The following GPC6 variants were observed in gnomAD, a reference collection of about 807,000 sequenced individuals.
GPC6 encodes the protein glypican 6, also known as glypican-6.
Under a neutral mutation model 55.2 loss-of-function variants are expected in GPC6, and 14 were observed. That is an observed-to-expected ratio of 0.25 (90% CI 0.17 to 0.40). The LOEUF (loss-of-function observed/expected upper bound fraction) is 0.40, where lower values mean the gene tolerates loss of function less well. Among genes scored for constraint, GPC6 ranks in the 10% least tolerant of loss-of-function variants. The probability of loss-of-function intolerance (pLI) is 1.00; values close to 1 mark genes in which losing one functional copy is unlikely to be tolerated. For missense variants in GPC6, 641 were observed against 708.5 expected (o/e 0.90, Z 1.08); for synonymous variants, 278 against 259.6 (o/e 1.07, Z -0.68).
intron 4 of GPC6, among the ~76,000 whole-genome samples, chr13:94,163,018 A>C (rs1888222601): frequency 6.6e-6 from 1 of 152,122 alleles, no homozygotes; most frequent in Non-Finnish European, 1.5e-5. Context: ...TTATTTCTGG[A>C]GTGAGAATTT....
intron 2 of GPC6, among the ~76,000 whole-genome samples, chr13:93,722,873 C>T (rs1883499151): frequency 6.6e-6 from 1 of 151,772 alleles, no homozygotes; most frequent in Non-Finnish European, 1.5e-5. Flanking sequence ...GTCCCTCTTC[C>T]TGGGTGTCTC....
intron 1 of GPC6, among the ~76,000 whole-genome samples, chr13:93,513,206 C>CT (rs1412380413): frequency 6.6e-6 from 1 of 152,096 alleles, no homozygotes; most frequent in African/African-American, 2.4e-5. Flanking sequence ...TAGTTTCCAC[C>CT]TTTTTTATTA....
intron 2 of GPC6, among the ~76,000 whole-genome samples, chr13:93,592,404 T>C (rs1282402134): frequency 6.8e-6 from 1 of 147,190 alleles, no homozygotes. Flanking sequence ...AATATATAAA[T>C]ATAAATATAT....
At chr13:94,073,638 G>C (rs912169899) in intron 4 of GPC6, among the ~76,000 whole-genome samples, 1 of 152,192 alleles carries the variant, frequency 6.6e-6, no homozygotes, top group Non-Finnish European at 1.5e-5. Context: ...CGGAGATTCT[G>C]CTGATGAGAC....
At chr13:93,574,786 G>A (rs1427562325) in intron 2 of GPC6, among the ~76,000 whole-genome samples, 1 of 151,964 alleles carries the variant, frequency 6.6e-6, no homozygotes, top group African/African-American at 2.4e-5. Flanking sequence ...CTAGAGATTT[G>A]CTTTTTCTGA....
At chr13:93,814,568 T>G (rs1009565082) in intron 2 of GPC6, among the ~76,000 whole-genome samples, 5 of 152,194 alleles carry the variant, frequency 3.3e-5, no homozygotes, top group African/African-American at 1.2e-4. Context: ...ACTTTGGAAC[T>G]GTAGGCTTTG....
intron 2 of GPC6, among the ~76,000 whole-genome samples, chr13:93,758,801 T>C (rs1001708688): frequency 2.6e-5 from 4 of 152,270 alleles, no homozygotes; most frequent in African/African-American, 9.6e-5. Flanking sequence ...TCACTTCCTT[T>C]TGACCTACTG....
chr13:93,227,115 G>C lies in GPC6; in HGVS notation c.-342G>C, dbSNP rs1459755908. ...CAGCGCTCCAGGATTCTGCGGCTCG[G>C]AACTCGGATTGCAGCTCTGAACCCC... On this transcript the variant is annotated 5_prime_UTR_variant, in exon 1 of 9. Transcript: ENST00000377047. This position sits in a 1 kb window ranked among gnomAD's most constrained non-coding sequence, Gnocchi z 4.3. 2 of 185,112 alleles carry C rather than the reference G, an allele frequency of 1.1e-5. No individual in the cohort carries two copies. Among genetic ancestry groups the C allele is most frequent in the African/African-American group, 4.7e-5 (2 of 42,732 alleles). The allele number at this position is 185,112 out of a possible 1,614,324, so 11.5% of individuals were successfully genotyped here. A position where few individuals can be genotyped will look rare whatever the true frequency, so the allele number is the denominator to read the frequency against.
At chr13:93,565,666 T>G (rs58822423) in intron 2 of GPC6, among the ~76,000 whole-genome samples, 6,207 of 152,048 alleles carry the variant, frequency 0.041, 435 homozygotes, top group African/African-American at 0.14. Flanking sequence ...GCTCACACCT[T>G]TAATCCCAGC....
At chr13:93,531,831 G>C (rs764556091) in intron 1 of GPC6, among the ~76,000 whole-genome samples, 5 of 152,072 alleles carry the variant, frequency 3.3e-5, no homozygotes, top group Non-Finnish European at 7.3e-5. Flanking sequence ...CTAATGGATA[G>C]CACACAACTT....
intron 1 of GPC6, among the ~76,000 whole-genome samples, chr13:93,500,083 C>T (rs1880466304): frequency 6.6e-6 from 1 of 152,154 alleles, no homozygotes; most frequent in African/African-American, 2.4e-5. Context: ...TTTCTCAGTG[C>T]TGAATCCTTT....
intron 6 of GPC6, among the ~76,000 whole-genome samples, chr13:94,314,953 T>A (rs140452050): frequency 2.6e-5 from 4 of 152,278 alleles, no homozygotes; most frequent in African/African-American, 9.6e-5. Context: ...AAAAAACAGA[T>A]GAAAAGGAAC....
chr13:93,647,353 C>G (rs1207945109), intron 2 of GPC6, among the ~76,000 whole-genome samples: 3 of 152,068 alleles, frequency 2.0e-5, no homozygotes, highest in Non-Finnish European at 4.4e-5. Flanking sequence ...ATGGGCTAGT[C>G]TTGGATATGT....
chr13:94,071,119 C>A (rs186092181), intron 4 of GPC6, among the ~76,000 whole-genome samples: 13 of 152,220 alleles, frequency 8.5e-5, no homozygotes, highest in African/African-American at 3.1e-4. Flanking sequence ...GCCATCTTGA[C>A]CTTAAAAGGT....
intron 4 of GPC6, among the ~76,000 whole-genome samples, chr13:94,249,465 AC>A (rs11340785): frequency 0.72 from 109,264 of 151,968 alleles, 40,433 homozygotes; most frequent in African/African-American, 0.89. Flanking sequence ...TATTTGTATG[AC>A]CCCCTAAGAT....
intron 1 of GPC6, among the ~76,000 whole-genome samples, chr13:93,414,946 T>C (rs1876644107): frequency 1.3e-5 from 2 of 152,122 alleles, no homozygotes; most frequent in Non-Finnish European, 2.9e-5. Context: ...AAAATTTAAA[T>C]GTTTTAGCAA....
intron 4 of GPC6, among the ~76,000 whole-genome samples, chr13:94,035,605 C>T (rs1203354143): frequency 6.6e-6 from 1 of 152,132 alleles, no homozygotes; most frequent in East Asian, 1.9e-4. Flanking sequence ...GGTTTACCTC[C>T]TGAGGCATTT....
chr13:93,912,338 A>G (rs78803238), intron 3 of GPC6, among the ~76,000 whole-genome samples: 3,593 of 152,284 alleles, frequency 0.024, 52 homozygotes, highest in Non-Finnish European at 0.038. Flanking sequence ...AAATACAATT[A>G]ATGGCCTTTT....
chr13:94,212,439 A>G (rs1040982064), intron 4 of GPC6, among the ~76,000 whole-genome samples: 2 of 152,156 alleles, frequency 1.3e-5, no homozygotes. Flanking sequence ...ACATACAAAT[A>G]TTATTATCAT....
Sources: gnomAD v4.1 joint callset for allele counts (sites outside exome capture counted in the v4.1 genomes callset) on GRCh38, gnomAD v4.1.1 for gene constraint, Gnocchi (gnomAD v3.1) non-coding constraint, MANE v1.5 for transcripts, NCBI Gene and HGNC (gene_info 2026-07-23, HGNC 2026-07-21) for gene names.